PHLDB1: variants seen among roughly 807,000 people sequenced by gnomAD.
PHLDB1 encodes pleckstrin homology-like domain family B member 1.
Under a neutral mutation model 139.3 loss-of-function variants are expected in PHLDB1, and 65 were observed. The observed-to-expected ratio is 0.47, with a 90% CI of 0.38 to 0.57. The LOEUF (loss-of-function observed/expected upper bound fraction) is 0.57. PHLDB1 is among the 20% of genes least tolerant of loss of function. The pLI is 0.00. For missense variants in PHLDB1, 1,624 were observed against 1,839.7 expected, an observed-to-expected ratio of 0.88 and a Z score of 2.14; for synonymous variants, 679 against 734.5, an observed-to-expected ratio of 0.92 and a Z score of 1.22.
Position 118,650,699 on chromosome 11 carries a change from A to G in PHLDB1, c.3874+152A>G, listed in dbSNP as rs922707514. On this transcript the variant is annotated intron_variant, in intron 20 of 22. Coordinates refer to ENST00000600882, the MANE Select transcript of PHLDB1 (RefSeq NM_001144758.3). The surrounding 1 kb of genome is among the most constrained non-coding windows in gnomAD (Gnocchi z 4.7). ...CCCTCCTTCCCTGAAAATGTACACA[A>G]TGTACCTGGTTCACCTCCATTTTTG... 17 of 616,072 alleles carry G rather than the reference A, an allele frequency of 2.8e-5. No individual in the cohort carries two copies. The highest frequency in any genetic ancestry group is 1.7e-4 in the Admixed American group (6 of 34,998). 38.2% of individuals were successfully genotyped at this position (616,072 alleles called of 1,614,324 possible). A position where few individuals can be genotyped will look rare whatever the true frequency, so the allele number is the denominator to read the frequency against.
Position 118,650,098 on chromosome 11 carries a change from C to T in PHLDB1, c.3676C>T (p.Leu1226=), listed in dbSNP as rs1032693014. Reference sequence around the variant, plus strand: ...CCAGGCACGACCCCTGACCCGCTACCTGCCAATCCGGAAGGAGGACTTTGA... The same window carrying T: ...CCAGGCACGACCCCTGACCCGCTACTTGCCAATCCGGAAGGAGGACTTTGA... ...FSQARPLTRY[L]PIRKEDFDLK... The change falls in exon 19 of 23, where the codon CTG becomes TTG. Residue 1226 remains leucine (L), a synonymous_variant. Coordinates refer to ENST00000600882, the MANE Select transcript of PHLDB1 (RefSeq NM_001144758.3). The surrounding 1 kb of genome is among the most constrained non-coding windows in gnomAD (Gnocchi z 4.7). The T allele has an allele frequency of 9.3e-6, 15 of 1,614,038 alleles. No homozygotes were observed. The highest frequency in any genetic ancestry group is 1.7e-5 in the Admixed American group (1 of 60,014).
In PHLDB1 at chr11:118,609,297, TACAC is replaced by T. The variant is rs1200245804; in HGVS notation, c.-22+1604_-22+1607del. 3.1e-4 allele frequency among the ~76,000 whole-genome samples: 6 copies of T among 19,274 alleles called. No individual in the cohort carries two copies. In the South Asian group the frequency reaches 9.3e-3, roughly 30 times the overall value. 12.6% of individuals were successfully genotyped at this position (19,274 alleles called of 152,430 possible). A position where few individuals can be genotyped will look rare whatever the true frequency, so the allele number is the denominator to read the frequency against. On this transcript the variant is annotated intron_variant, in intron 1 of 22. Coordinates refer to ENST00000600882, the MANE Select transcript of PHLDB1 (RefSeq NM_001144758.3). The stretch of plus-strand genomic sequence containing the variant: ...CCCAGCTCACACACACAGCCCCAGT[TACAC>T]ACACAGCCCAGCTTACACACACAGC...
upstream of PHLDB1, among the ~76,000 whole-genome samples, chr11:118,606,969 T>C (rs1235331084): frequency 6.6e-6 from 1 of 151,946 alleles, no homozygotes; most frequent in East Asian, 1.9e-4. Flanking sequence ...CTTTAACGAG[T>C]CTTCTTGTGC....
chr11:118,641,801 T>G, intron 12 of PHLDB1: 1 of 1,282,664 alleles, frequency 7.8e-7, no homozygotes, highest in African/African-American at 1.5e-5. Context: ...GGTTTGTGAG[T>G]TCTTGCTACC....
At position 118,608,477 on chromosome 11, in the gene PHLDB1, C is replaced by A. The variant is rs929489449; in HGVS notation, c.-22+778C>A. 6.6e-6 allele frequency among the ~76,000 whole-genome samples: 1 copy of A among 152,142 alleles called. No individual in the cohort carries two copies. Among genetic ancestry groups the A allele is most frequent in the Non-Finnish European group, 1.5e-5 (1 of 67,998 alleles). ...GGGCGCCGGCGCAGGGTGGCCGAGT[C>A]GCCCGCTAGCGCTTCCGCCGAGGCA... On this transcript the variant is annotated intron_variant, in intron 1 of 22. Coordinates refer to ENST00000600882, the MANE Select transcript of PHLDB1 (RefSeq NM_001144758.3). This position sits in a 1 kb window ranked among gnomAD's most constrained non-coding sequence, Gnocchi z 6.7.
intron 6 of PHLDB1, 106 bp from the exon 7 acceptor site, chr11:118,631,101 C>A: frequency 9.9e-7 from 1 of 1,011,446 alleles, no homozygotes; most frequent in Non-Finnish European, 1.3e-6. Context: ...ATGTCCTAGC[C>A]CCCTGTAACC....
Position 118,645,059 on chromosome 11 carries a change from C to A in PHLDB1, c.3122-297C>A. On this transcript the variant is annotated intron_variant, in intron 15 of 22. Transcript: ENST00000600882. This position sits in a 1 kb window ranked among gnomAD's most constrained non-coding sequence, Gnocchi z 5.1. Reference sequence around the variant, plus strand: ...GGCCTTGGTTGTGAGCTGGAGCCAACTGGCTGTCGTGCTGCCCCAGCACTA... The same window carrying A: ...GGCCTTGGTTGTGAGCTGGAGCCAAATGGCTGTCGTGCTGCCCCAGCACTA... The A allele has an allele frequency of 2.6e-6, 1 of 381,764 alleles. No homozygotes were observed. 23.6% of individuals were successfully genotyped at this position (381,764 alleles called of 1,614,324 possible). A position where few individuals can be genotyped will look rare whatever the true frequency, so the allele number is the denominator to read the frequency against.
Position 118,616,211 on chromosome 11 carries a change from G to A in PHLDB1, c.355G>A (p.Gly119Ser), listed in dbSNP as rs542460647. ...CCGGCAGCCTACCCGGCTCACTCAG[G>A]GTAAGGCTGGACACCTCCAGATGGA... ...PVRQPTRLTQ[G>S]CMLCLGQSTF... Residue 119 changes from glycine to serine, a missense_variant and splice_region_variant, in exon 4 of 23, where the codon GGC becomes AGC. By Grantham distance (56) the Gly-to-Ser change is moderately conservative. Coordinates refer to ENST00000600882, the MANE Select transcript of PHLDB1 (RefSeq NM_001144758.3). 4.3e-6 allele frequency: 7 copies of A among 1,613,654 alleles called. No homozygotes were observed. Among genetic ancestry groups the A allele is most frequent in the Non-Finnish European group, 5.9e-6 (7 of 1,179,872 alleles).
intron 17 of PHLDB1, chr11:118,646,925 A>AT (rs1947624800): frequency 6.6e-6 from 1 of 152,242 alleles, no homozygotes. Flanking sequence ...CTCCTGGCAA[A>AT]TGTGGGGAAA....
chr11:118,641,799 A>T (rs1555121007), intron 12 of PHLDB1: 3 of 1,282,456 alleles, frequency 2.3e-6, no homozygotes, highest in Middle Eastern at 4.3e-4. Flanking sequence ...GTGGTTTGTG[A>T]GTTCTTGCTA....
chr11:118,631,184 C>G, intron 6 of PHLDB1, 23 bp from the exon 7 acceptor site: 3 of 1,409,644 alleles, frequency 2.1e-6, no homozygotes, highest in South Asian at 1.8e-5. Context: ...CCCTTCATGT[C>G]CTGCTCTGTC....
intron 10 of PHLDB1, 31 bp downstream of exon 10, chr11:118,635,579 T>G: frequency 2.7e-6 from 4 of 1,475,614 alleles, no homozygotes; most frequent in African/African-American, 1.4e-5. Context: ...TGCTGCGTGC[T>G]GTTGGAGGCC....
In PHLDB1 at chr11:118,657,496, A is replaced by G. The variant is rs1555142784; in HGVS notation, c.*673A>G. ...ATCTCTCCAGCCCAGGCCCCTGGGC[A>G]TCTCATGCTGGGGGGAAGGGACTGA... On this transcript the variant is annotated 3_prime_UTR_variant, in exon 23 of 23. Coordinates refer to ENST00000600882, the MANE Select transcript of PHLDB1 (RefSeq NM_001144758.3). 1 of 152,760 alleles carries G rather than the reference A, an allele frequency of 6.5e-6. No homozygotes were observed. Among genetic ancestry groups the G allele is most frequent in the African/African-American group, 2.4e-5 (1 of 41,414 alleles). The allele number at this position is 152,760 out of a possible 1,614,324, so 9.5% of individuals were successfully genotyped here. A position where few individuals can be genotyped will look rare whatever the true frequency, so the allele number is the denominator to read the frequency against.
Position 118,642,332 on chromosome 11 carries a change from G to A in PHLDB1, c.2815G>A (p.Ala939Thr), listed in dbSNP as rs782200510. 22 of 1,611,816 alleles carry A rather than the reference G, an allele frequency of 1.4e-5. No individual in the cohort carries two copies. In the East Asian group the frequency reaches 2.0e-4, roughly 15 times the overall value. The change falls in exon 13 of 23, where the codon GCT becomes ACT. Residue 939 changes from alanine (A) to threonine (T), a missense_variant. Ala to Thr is a moderately conservative substitution (Grantham distance 58). Coordinates refer to ENST00000600882, the MANE Select transcript of PHLDB1 (RefSeq NM_001144758.3). ...GATGGCCGGGCTGGGGACTGGCCCC[G>A]CTGCAGCCTCCCCTCACTCTTCTCC... Reference protein sequence around the residue: ...ELMAGLGTGPAAASPHSSPPP... With the variant: ...ELMAGLGTGPTAASPHSSPPP...
chr11:118,632,209 A>C lies in PHLDB1; in HGVS notation c.2292A>C (p.Ala764=). 1 of 1,614,116 alleles carries C rather than the reference A, an allele frequency of 6.2e-7. No individual in the cohort carries two copies. The highest frequency in any genetic ancestry group is 8.5e-7 in the Non-Finnish European group (1 of 1,179,990). ...LLQGEREAER[A]LLQKEQKAVD... is the part of the protein sequence containing the mutation. ...AGGGAGAGAGGGAGGCAGAGCGGGC[A>C]CTGCTGCAGAAGGAGCAGAAGGCAG... Residue 764 remains alanine, a synonymous_variant, in exon 9 of 23, where the codon GCA becomes GCC. Coordinates refer to ENST00000600882, the MANE Select transcript of PHLDB1 (RefSeq NM_001144758.3). The surrounding 1 kb of genome is among the most constrained non-coding windows in gnomAD (Gnocchi z 5.9).
Position 118,645,846 on chromosome 11 carries a change from G to A in PHLDB1, c.3507+21G>A, listed in dbSNP as rs1555127757. The A allele has an allele frequency of 6.6e-7, 1 of 1,510,414 alleles. No homozygotes were observed. The highest frequency in any genetic ancestry group is 1.7e-5 in the Admixed American group (1 of 59,890). The allele number at this position is 1,510,414 out of a possible 1,614,324, so 93.6% of individuals were successfully genotyped here. ...CGAGGGTGAGTCTGACCTGGATCGG[G>A]GAGGCAGAAGGTGTTGGGGCACAGA... On this transcript the variant is annotated intron_variant, in intron 17 of 22. Coordinates refer to ENST00000600882, the MANE Select transcript of PHLDB1 (RefSeq NM_001144758.3). The surrounding 1 kb of genome is among the most constrained non-coding windows in gnomAD (Gnocchi z 5.1).
chr11:118,625,808 T>C (rs35692099), intron 5 of PHLDB1, among the ~76,000 whole-genome samples: 3,803 of 152,270 alleles, frequency 0.025, 77 homozygotes, highest in Non-Finnish European at 0.04. Context: ...TCAGTATCCA[T>C]GGCATCCCCT....
In PHLDB1 at chr11:118,638,927, A is replaced by G; in HGVS notation, c.2572A>G (p.Ile858Val). The G allele has an allele frequency of 6.2e-7, 1 of 1,613,526 alleles. No individual in the cohort carries two copies. The highest frequency in any genetic ancestry group is 8.5e-7 in the Non-Finnish European group (1 of 1,179,734). ...LAILDSQAGQ[I>V]RAQAVQESER... ...CATCCTGGACAGTCAGGCTGGGCAG[A>G]TCCGGGCTCAGGCCGTGCAGGAATC... is the stretch of plus-strand genomic sequence containing the variant. Residue 858 changes from isoleucine (I) to valine (V), a missense_variant, in exon 11 of 23, where the codon ATC becomes GTC. By Grantham distance (29) the Ile-to-Val change is conservative (BLOSUM62 3). Coordinates refer to ENST00000600882, the MANE Select transcript of PHLDB1 (RefSeq NM_001144758.3).
chr11:118,631,440 CAAG>C lies in PHLDB1; in HGVS notation c.2062_2064del (p.Lys688del), dbSNP rs782219474. On this transcript the variant is annotated inframe_deletion, in exon 7 of 23. Coordinates refer to ENST00000600882, the MANE Select transcript of PHLDB1 (RefSeq NM_001144758.3). ...TGGAGCGCTCAGATGAGGAAAATCT[CAAG>C]GAGGAGTGCAGCAGCACTGAGAGCA... is the stretch of plus-strand genomic sequence containing the variant. 10 of 1,439,912 alleles carry C rather than the reference CAAG, an allele frequency of 6.9e-6. No individual in the cohort carries two copies. The allele number at this position is 1,439,912 out of a possible 1,614,324, so 89.2% of individuals were successfully genotyped here.
Sources: allele counts gnomAD v4.1 joint callset (sites outside exome capture counted in the v4.1 genomes callset), GRCh38; gene constraint gnomAD v4.1.1; non-coding constraint Gnocchi (gnomAD v3.1); transcripts MANE v1.5; gene names NCBI Gene and HGNC (gene_info 2026-07-23, HGNC 2026-07-21).